The following MUC5B variants were observed in gnomAD, a reference collection of about 807,000 sequenced individuals.
The protein encoded by MUC5B is mucin 5B, oligomeric mucus/gel-forming, also known as mucin-5B.
MUC5B carries 116 observed loss-of-function variants against 376.9 expected under a neutral mutation model. That is an observed-to-expected ratio of 0.31 (90% CI 0.26 to 0.36). The LOEUF (loss-of-function observed/expected upper bound fraction) is 0.36. MUC5B is among the 10% of genes least tolerant of loss of function. The probability of loss-of-function intolerance (pLI) is 1.00; values close to 1 mark genes in which losing one functional copy is unlikely to be tolerated. For missense variants in MUC5B, 7,165 were observed against 7,769.9 expected (o/e 0.92, Z 2.93); for synonymous variants, 3,517 against 3,390.9 (o/e 1.04, Z -1.29).
rs377569377 is a variant in MUC5B, at chr11:1,226,685, C to T, written c.270C>T (p.Gly90=). The T allele has an allele frequency of 1.1e-5, 17 of 1,612,424 alleles. No individual in the cohort carries two copies. Among genetic ancestry groups the T allele is most frequent in the Middle Eastern group, 1.6e-4 (1 of 6,084 alleles). The change falls in exon 4 of 49, where the codon GGC becomes GGT. Residue 90 remains glycine, a synonymous_variant. Coordinates refer to ENST00000529681, the MANE Select transcript of MUC5B (RefSeq NM_002458.3). ...ACTTCCACTACAAGACCTTCGACGG[C>T]GACGTCTTCCGCTTCCCTGGCCTTT... ...WGDFHYKTFD[G]DVFRFPGLCN...
chr11:1,256,332 T>C (rs1862833552), intron 38 of MUC5B, 107 bp downstream of exon 38: 1 of 659,724 alleles, frequency 1.5e-6, no homozygotes, highest in Non-Finnish European at 2.8e-6. Context: ...CACAGATCTC[T>C]GGGGTGCCCG....
chr11:1,259,555 G>C, intron 44 of MUC5B: 1 of 606,108 alleles, frequency 1.6e-6, no homozygotes, highest in Non-Finnish European at 2.9e-6. Flanking sequence ...GGAAGGCAGG[G>C]GTAGGCAGAG....
At position 1,232,461 on chromosome 11, in the gene MUC5B, C is replaced by T. The variant is rs56411917; in HGVS notation, c.1855C>T (p.Arg619Trp). Residue 619 changes from arginine to tryptophan, a missense_variant, in exon 16 of 49, where the codon CGG becomes TGG. By Grantham distance (101) the Arg-to-Trp change is moderately radical. Coordinates refer to ENST00000529681, the MANE Select transcript of MUC5B (RefSeq NM_002458.3). ...SLSVENENYARHWCSRLTDPN... is the reference protein window; with the variant it reads ...SLSVENENYAWHWCSRLTDPN... ...GGTCTTCCCCACAGAGAACTACGCCCGGCACTGGTGCTCGCGCCTGACCGA... is the reference window on the plus strand; with the variant it reads ...GGTCTTCCCCACAGAGAACTACGCCTGGCACTGGTGCTCGCGCCTGACCGA... 6,468 of 1,606,970 alleles carry T rather than the reference C, an allele frequency of 4.0e-3. 13 individuals carry two copies. Among genetic ancestry groups the T allele is most frequent in the Non-Finnish European group, 5.0e-3 (5,833 of 1,177,532 alleles).
In MUC5B at chr11:1,243,765, C is replaced by T; in HGVS notation, c.6885C>T (p.Thr2295=). ...TATPSKTRTS[T]LLPSSPTSAP... ...CACCCAGCAAGACCCGCACCTCGACCCTGCTGCCCAGCAGCCCCACATCGG... is the reference window on the plus strand; with the variant it reads ...CACCCAGCAAGACCCGCACCTCGACTCTGCTGCCCAGCAGCCCCACATCGG... Residue 2295 remains threonine (T), a synonymous_variant, in exon 31 of 49, where the codon ACC becomes ACT. Transcript: ENST00000529681. The T allele has an allele frequency of 6.2e-7, 1 of 1,611,738 alleles. No individual in the cohort carries two copies. The highest frequency in any genetic ancestry group is 1.3e-5 in the African/African-American group (1 of 74,958).
chr11:1,252,292 C>CT (rs1862724631), intron 31 of MUC5B, 51 bp from the exon 32 acceptor site: 2 of 1,500,940 alleles, frequency 1.3e-6, no homozygotes, highest in Non-Finnish European at 1.8e-6. Context: ...AGAACTCTGG[C>CT]TTACCCATCT....
rs766776123 is a variant in MUC5B at position 1,242,566 on chromosome 11, A to G, written c.5686A>G (p.Thr1896Ala). The G allele has an allele frequency of 3.1e-6, 5 of 1,613,746 alleles. No homozygotes were observed. Among genetic ancestry groups the G allele is most frequent in the South Asian group, 1.1e-5 (1 of 91,078 alleles). ...PSTPATSSTA[T>A]PSSTPGTTWI... ...TACCCCAGCCACCAGCTCCACGGCCACGCCCTCCTCAACTCCGGGGACGAC... is the reference window on the plus strand; with the variant it reads ...TACCCCAGCCACCAGCTCCACGGCCGCGCCCTCCTCAACTCCGGGGACGAC... Residue 1896 changes from threonine to alanine, a missense_variant, in exon 31 of 49, where the codon ACG becomes GCG. Physicochemically the swap from Thr to Ala is moderately conservative, Grantham distance 58. Coordinates refer to ENST00000529681, the MANE Select transcript of MUC5B (RefSeq NM_002458.3).
rs1045151619 is a variant in MUC5B at position 1,232,634 on chromosome 11, A to T, written c.1939-10A>T. ...GGTCCCTGACGCCCCGATGCCTCCC[A>T]CCTCCGCAGAACTGCATGTTTGACA... On this transcript the variant is annotated splice_polypyrimidine_tract_variant and intron_variant, in intron 16 of 48. Coordinates refer to ENST00000529681, the MANE Select transcript of MUC5B (RefSeq NM_002458.3). 1 of 1,600,346 alleles carries T rather than the reference A, an allele frequency of 6.2e-7. No homozygotes were observed. Among genetic ancestry groups the T allele is most frequent in the South Asian group, 1.1e-5 (1 of 89,020 alleles).
chr11:1,246,525 T>G lies in MUC5B; in HGVS notation c.9645T>G (p.Ser3215Arg). 6.2e-7 allele frequency: 1 copy of G among 1,608,108 alleles called. No homozygotes were observed. Among genetic ancestry groups the G allele is most frequent in the Non-Finnish European group, 8.5e-7 (1 of 1,178,068 alleles). Residue 3215 changes from serine to arginine, a missense_variant, in exon 31 of 49, where the codon AGT becomes AGG. This residue lies in a region of MUC5B where 939 missense variants were observed against 770.6 expected (regional missense o/e 1.22). Transcript: ENST00000529681. ...VISSRATPSS[S>R]PGTATALPAL... ...GCTCCAGAGCCACTCCCTCCTCCAG[T>G]CCAGGGACTGCAACCGCCCTTCCAG...
Position 1,244,314 on chromosome 11 carries a change from C to T in MUC5B, c.7434C>T (p.Thr2478=), listed in dbSNP as rs2943497. ...CTACAGCCACCGTGACGGTGCCCAC[C>T]GGATCCACGGCCACCGCCTCCTCCA... ...PSTTATVTVP[T]GSTATASSTQ... The change falls in exon 31 of 49, where the codon ACC becomes ACT. Residue 2478 remains threonine, a synonymous_variant. Transcript: ENST00000529681. 0.03 allele frequency: 47,989 copies of T among 1,603,668 alleles called. 943 individuals are homozygous for T. The highest frequency in any genetic ancestry group is 0.033 in the Non-Finnish European group (38,609 of 1,174,650).
intron 25 of MUC5B, among the ~76,000 whole-genome samples, chr11:1,238,284 G>C (rs1862198400): frequency 1.3e-5 from 2 of 152,234 alleles, no homozygotes; most frequent in Admixed American, 1.3e-4. Flanking sequence ...CATGTTCTGG[G>C]CTCACCCCAG....
chr11:1,251,062 A>C lies in MUC5B; in HGVS notation c.14182A>C (p.Ser4728Arg). 6.2e-7 allele frequency: 1 copy of C among 1,611,362 alleles called. No individual in the cohort carries two copies. The highest frequency in any genetic ancestry group is 2.2e-5 in the East Asian group (1 of 44,868). Residue 4728 changes from serine (S) to arginine (R), a missense_variant, in exon 31 of 49, where the codon AGT becomes CGT. Ser to Arg is a moderately radical substitution (Grantham distance 110, BLOSUM62 -1). Around this residue, in one of 31 missense-constraint regions of MUC5B, gnomAD observed 730 missense variants for 592.7 expected, o/e 1.23. Transcript: ENST00000529681. ...ATSSKATSSS[S>R]PRTATTLPVL... ...CAGCTCCAAAGCCACTTCCTCCTCC[A>C]GTCCAAGGACTGCAACCACCCTTCC...
In MUC5B at chr11:1,244,701, A is replaced by C; in HGVS notation, c.7821A>C (p.Lys2607Asn). 1 of 1,612,366 alleles carries C rather than the reference A, an allele frequency of 6.2e-7. No individual in the cohort carries two copies. Among genetic ancestry groups the C allele is most frequent in the South Asian group, 1.1e-5 (1 of 91,036 alleles). ...CCCCAGGAACAGCTCACACTACCAAAGTGCTGACTACCACAACCACGGGCT... is the reference window on the plus strand; with the variant it reads ...CCCCAGGAACAGCTCACACTACCAACGTGCTGACTACCACAACCACGGGCT... ...SSTPGTAHTTKVLTTTTTGFT... is the reference protein window; with the variant it reads ...SSTPGTAHTTNVLTTTTTGFT... The change falls in exon 31 of 49, where the codon AAA (lysine) becomes AAC (asparagine). Residue 2607 changes from lysine to asparagine, a missense_variant. Physicochemically the swap from Lys to Asn is moderately conservative, Grantham distance 94. Transcript: ENST00000529681.
rs751827579 is a variant in MUC5B, at chr11:1,250,187, C to T, written c.13307C>T (p.Ser4436Phe). ...GCCACTACGACTGCGTCCACTGGATCCACGGCCACCCCGTCCTCCACCCCA... is the reference window on the plus strand; with the variant it reads ...GCCACTACGACTGCGTCCACTGGATTCACGGCCACCCCGTCCTCCACCCCA... ...TTATTTASTG[S>F]TATPSSTPGT... is the part of the protein sequence containing the mutation. Residue 4436 changes from serine (S) to phenylalanine (F), a missense_variant, in exon 31 of 49, where the codon TCC (serine) becomes TTC (phenylalanine). By Grantham distance (155) the Ser-to-Phe change is radical. Coordinates refer to ENST00000529681, the MANE Select transcript of MUC5B (RefSeq NM_002458.3). 1.2e-6 allele frequency: 2 copies of T among 1,609,460 alleles called. No individual in the cohort carries two copies. Among genetic ancestry groups the T allele is most frequent in the East Asian group, 4.5e-5 (2 of 44,838 alleles).
chr11:1,249,155 C>T lies in MUC5B; in HGVS notation c.12275C>T (p.Ala4092Val), dbSNP rs747925084. The change falls in exon 31 of 49, where the codon GCC (alanine) becomes GTC (valine). Residue 4092 changes from alanine to valine, a missense_variant. This residue lies in a region of MUC5B where 85 missense variants were observed against 78.2 expected (regional missense o/e 1.09). Coordinates refer to ENST00000529681, the MANE Select transcript of MUC5B (RefSeq NM_002458.3). ...PGTTTPGHTT[A>V]TSRTTATATP... ...ACGACCACCCCGGGCCACACCACGG[C>T]CACCTCCAGGACCACGGCCACGGCC... 1 of 1,609,614 alleles carries T rather than the reference C, an allele frequency of 6.2e-7. No homozygotes were observed.
Position 1,242,371 on chromosome 11 carries a change from C to T in MUC5B, c.5491C>T (p.Arg1831Trp), listed in dbSNP as rs376808430. The stretch of plus-strand genomic sequence containing the variant: ...CTGGGCACCAAAGAGCATAGAGTGC[C>T]GGGCGGAGAACTACCCCGAGGTAAG... ...MCWAPKSIEC[R>W]AENYPEVSID... The change falls in exon 31 of 49, where the codon CGG becomes TGG. Residue 1831 changes from arginine (R) to tryptophan (W), a missense_variant. Around this residue, in one of 31 missense-constraint regions of MUC5B, gnomAD observed 897 missense variants for 779.6 expected, o/e 1.15. Coordinates refer to ENST00000529681, the MANE Select transcript of MUC5B (RefSeq NM_002458.3). The T allele has an allele frequency of 5.6e-6, 9 of 1,613,828 alleles. No individual in the cohort carries two copies. The highest frequency in any genetic ancestry group is 7.6e-6 in the Non-Finnish European group (9 of 1,179,846).
chr11:1,226,866 A>C lies in MUC5B; in HGVS notation c.451A>C (p.Asn151His). 1 of 1,605,296 alleles carries C rather than the reference A, an allele frequency of 6.2e-7. No homozygotes were observed. Among genetic ancestry groups the C allele is most frequent in the Non-Finnish European group, 8.5e-7 (1 of 1,178,908 alleles). ...LEASNGSVLI[N>H]GQREELPYSR... ...GGCGTCCAACGGCTCCGTCCTCATCAATGGGCAGCGGTGAGCCGGCCACCC... is the reference window on the plus strand; with the variant it reads ...GGCGTCCAACGGCTCCGTCCTCATCCATGGGCAGCGGTGAGCCGGCCACCC... The change falls in exon 4 of 49, where the codon AAT becomes CAT. Residue 151 changes from asparagine to histidine, a missense_variant. By Grantham distance (68) the Asn-to-His change is moderately conservative. This residue lies in a region of MUC5B where 640 missense variants were observed against 733.0 expected (regional missense o/e 0.87). Transcript: ENST00000529681.
Position 1,247,697 on chromosome 11 carries a change from G to A in MUC5B, c.10817G>A (p.Gly3606Glu). The change falls in exon 31 of 49, where the codon GGG (glycine) becomes GAG (glutamate). Residue 3606 changes from glycine to glutamate, a missense_variant. Transcript: ENST00000529681. ...TACTCCAACATCCGTGCGGCCGGAG[G>A]GGCAGTCTGTGAGCAGCCCCTGGGC... ...DTYSNIRAAG[G>E]AVCEQPLGLE... is the part of the protein sequence containing the mutation. 6.3e-7 allele frequency: 1 copy of A among 1,583,354 alleles called. No individual in the cohort carries two copies. Among genetic ancestry groups the A allele is most frequent in the Middle Eastern group, 2.3e-4 (1 of 4,402 alleles).
intron 19 of MUC5B, 40 bp downstream of exon 19, chr11:1,233,888 C>A (rs755250697): frequency 3.9e-6 from 6 of 1,542,616 alleles, no homozygotes; most frequent in Non-Finnish European, 5.3e-6. Context: ...TGCCCCGCCC[C>A]GCATCACCCC....
chr11:1,225,568 C>T (rs1861860461), intron 1 of MUC5B, 113 bp from the exon 2 acceptor site: 1 of 950,172 alleles, frequency 1.1e-6, no homozygotes, highest in South Asian at 1.6e-5. Flanking sequence ...GAGACCGCCA[C>T]CAAGGACCCC....
Sources: allele counts gnomAD v4.1 joint callset (sites outside exome capture counted in the v4.1 genomes callset), GRCh38; gene constraint gnomAD v4.1.1; regional missense constraint gnomAD v4.1.1; transcripts MANE v1.5; gene names NCBI Gene and HGNC (gene_info 2026-07-23, HGNC 2026-07-21).